KIF5C: variants seen among roughly 807,000 people sequenced by gnomAD.
The protein encoded by KIF5C is kinesin family member 5C.
Under a neutral mutation model 125.2 loss-of-function variants are expected in KIF5C, and 18 were observed. The ratio of observed to expected loss-of-function variants is 0.14; its 90% CI spans 0.10 to 0.21. KIF5C has a LOEUF of 0.21. Ranked by LOEUF, KIF5C falls within the 10% of genes least tolerant of loss-of-function variation. The pLI is 1.00. For missense variants in KIF5C, 780 were observed against 1,183.8 expected, an observed-to-expected ratio of 0.66 and a Z score of 5.01; for synonymous variants, 405 against 434.0, an observed-to-expected ratio of 0.93 and a Z score of 0.83.
rs1052339000 is a variant in KIF5C at position 148,924,903 on chromosome 2, C to A, written c.217+2676C>A. On this transcript the variant is annotated intron_variant, in intron 2 of 25. Coordinates refer to ENST00000435030, the MANE Select transcript of KIF5C (RefSeq NM_004522.3). The surrounding 1 kb of genome is among the most constrained non-coding windows in gnomAD (Gnocchi z 4.0). ...TCTGTAAGTAGTAATAAGTACTTAC[C>A]GTGGGGTAAGCAGTGCTGGGACTGG... 6.6e-6 allele frequency among the ~76,000 whole-genome samples: 1 copy of A among 151,970 alleles called. No individual in the cohort carries two copies. The highest frequency in any genetic ancestry group is 2.4e-5 in the African/African-American group (1 of 41,320).
intron 16 of KIF5C, among the ~76,000 whole-genome samples, chr2:148,992,846 C>G (rs975701139): frequency 3.3e-5 from 5 of 152,096 alleles, no homozygotes; most frequent in African/African-American, 1.2e-4. Flanking sequence ...AACAGTGTAC[C>G]TCATCTGTGA....
At chr2:148,992,001 C>G (rs913502240) in intron 16 of KIF5C, among the ~76,000 whole-genome samples, 1 of 152,200 alleles carries the variant, frequency 6.6e-6, no homozygotes, top group South Asian at 2.1e-4. Flanking sequence ...TAGTTGTATA[C>G]TACTTGCTGC....
intron 10 of KIF5C, among the ~76,000 whole-genome samples, chr2:148,961,331 G>T (rs1159156111): frequency 1.3e-5 from 2 of 152,130 alleles, no homozygotes; most frequent in East Asian, 3.9e-4. Context: ...AGGGAGCCAT[G>T]GTGTCCTCTG....
chr2:148,957,895 C>T (rs1486504505), intron 10 of KIF5C, among the ~76,000 whole-genome samples: 2 of 151,880 alleles, frequency 1.3e-5, no homozygotes, highest in Non-Finnish European at 2.9e-5. Flanking sequence ...GTAATTGTCA[C>T]CCTAACTTCC....
chr2:148,943,864 T>A (rs9288721), intron 7 of KIF5C, among the ~76,000 whole-genome samples: 39,159 of 152,136 alleles, frequency 0.26, 5,531 homozygotes, highest in East Asian at 0.39. Flanking sequence ...CAGATGATAT[T>A]CATGTATATA....
chr2:148,889,063 G>A (rs1198778892), intron 1 of KIF5C, among the ~76,000 whole-genome samples: 1 of 152,142 alleles, frequency 6.6e-6, no homozygotes, highest in Non-Finnish European at 1.5e-5. Flanking sequence ...TGTTTCTGGA[G>A]TATAAATTCT....
intron 1 of KIF5C, among the ~76,000 whole-genome samples, chr2:148,916,905 C>T (rs774539475): frequency 5.3e-5 from 8 of 152,152 alleles, no homozygotes; most frequent in East Asian, 1.9e-4. Flanking sequence ...GCTGGCTGCA[C>T]GCATGCCATC....
At position 149,010,280 on chromosome 2, in the gene KIF5C, A is replaced by G; in HGVS notation, c.2696A>G (p.Gln899Arg). The G allele has an allele frequency of 6.3e-7, 1 of 1,596,614 alleles. No homozygotes were observed. The highest frequency in any genetic ancestry group is 8.5e-7 in the Non-Finnish European group (1 of 1,171,908). ...ATGCGGGACCGTAAGCGCTACCAGC[A>G]GGAGGTGGATCGTATCAAGGAGGCC... is the stretch of plus-strand genomic sequence containing the variant. The part of the protein sequence containing the change: ...NAMRDRKRYQ[Q>R]EVDRIKEAVR... The change falls in exon 24 of 26, where the codon CAG (glutamine) becomes CGG (arginine). Residue 899 changes from glutamine (Q) to arginine (R), a missense_variant. Gln to Arg is a conservative substitution (Grantham distance 43). Around this residue, in one of 2 missense-constraint regions of KIF5C, gnomAD observed 573 missense variants for 742.6 expected, o/e 0.77. Coordinates refer to ENST00000435030, the MANE Select transcript of KIF5C (RefSeq NM_004522.3).
At chr2:148,973,266 TGGTACTCTTCCTGGAG>T (rs1680969473) in intron 11 of KIF5C, 54 bp from the exon 12 acceptor site, 1 of 1,523,442 alleles carries the variant, frequency 6.6e-7, no homozygotes, top group Non-Finnish European at 8.8e-7. Flanking sequence ...TGATTATTTT[TGGTACTCTTCCTGGAG>T]GGTTGCATAC....
intron 23 of KIF5C, among the ~76,000 whole-genome samples, chr2:149,008,794 G>A (rs182844291): frequency 1.4e-4 from 22 of 152,104 alleles, no homozygotes; most frequent in African/African-American, 4.8e-4. Context: ...ATTTCTCTTT[G>A]ACTTGTTAAG....
At chr2:148,955,564 GTAAA>G (rs1265047630) in intron 10 of KIF5C, among the ~76,000 whole-genome samples, 6 of 152,036 alleles carry the variant, frequency 3.9e-5, no homozygotes, top group Non-Finnish European at 7.4e-5. Flanking sequence ...AGTTTCTTAA[GTAAA>G]TAAAAGAGTG....
intron 1 of KIF5C, among the ~76,000 whole-genome samples, chr2:148,907,253 T>TG (rs1307312166): frequency 6.6e-6 from 1 of 152,164 alleles, no homozygotes; most frequent in East Asian, 1.9e-4. Context: ...ACTGGCCATG[T>TG]GGGGGGAAGT....
intron 25 of KIF5C, among the ~76,000 whole-genome samples, chr2:149,013,923 A>AT (rs942590505): frequency 2.8e-4 from 42 of 151,388 alleles, no homozygotes; most frequent in African/African-American, 5.8e-4. Context: ...CCATTGTGGC[A>AT]TTTTTTTTTA....
At chr2:148,947,226 A>T in intron 8 of KIF5C, 1 of 729,932 alleles carries the variant, frequency 1.4e-6, no homozygotes, top group Non-Finnish European at 2.1e-6. Context: ...TGTCACAGGC[A>T]GGTGCTTTGC....
chr2:148,904,168 G>A (rs1306522402), intron 1 of KIF5C, among the ~76,000 whole-genome samples: 1 of 152,204 alleles, frequency 6.6e-6, no homozygotes, highest in Non-Finnish European at 1.5e-5. Flanking sequence ...ATGTTGAATG[G>A]TTTTCCTGTT....
intron 10 of KIF5C, among the ~76,000 whole-genome samples, chr2:148,952,394 C>T (rs1465912440): frequency 6.6e-6 from 1 of 152,150 alleles, no homozygotes; most frequent in African/African-American, 2.4e-5. Flanking sequence ...GAGGTATTTG[C>T]AGCTGTCTAC....
chr2:148,946,277 G>A (rs1427599905), intron 7 of KIF5C, among the ~76,000 whole-genome samples: 2 of 152,186 alleles, frequency 1.3e-5, no homozygotes, highest in Admixed American at 6.5e-5. Flanking sequence ...GGCTGAATGG[G>A]ATGGTTGCTG....
Position 148,934,679 on chromosome 2 carries a change from C to T in KIF5C, c.292-2605C>T, listed in dbSNP as rs899019371. On this transcript the variant is annotated intron_variant, in intron 3 of 25. Transcript: ENST00000435030. ...CACACATCACAAGCACCCCCACACT[C>T]GCCACACTTCCTACATTCACGCTAT... Among the ~76,000 whole-genome samples, 9 of 151,984 alleles carry T rather than the reference C, an allele frequency of 5.9e-5. No individual in the cohort carries two copies. In the East Asian group the frequency reaches 1.4e-3, roughly 23 times the overall value.
chr2:148,907,019 A>G (rs1294779085), intron 1 of KIF5C, among the ~76,000 whole-genome samples: 3 of 151,930 alleles, frequency 2.0e-5, no homozygotes, highest in African/African-American at 7.3e-5. Flanking sequence ...ATGATCATTC[A>G]ACTGCACTCC....
Sources: gnomAD v4.1 joint callset for allele counts (sites outside exome capture counted in the v4.1 genomes callset) on GRCh38, gnomAD v4.1.1 for gene constraint, gnomAD v4.1.1 regional missense constraint, Gnocchi (gnomAD v3.1) non-coding constraint, MANE v1.5 for transcripts, NCBI Gene and HGNC (gene_info 2026-07-23, HGNC 2026-07-21) for gene names.